The following HNF4G variants were observed in gnomAD, a reference collection of about 807,000 sequenced individuals.
HNF4G encodes the protein hepatocyte nuclear factor 4-gamma.
Under a neutral mutation model 50.9 loss-of-function variants are expected in HNF4G, and 21 were observed. The observed-to-expected ratio is 0.41, with a 90% CI of 0.29 to 0.59. The LOEUF is 0.59. Among genes scored for constraint, HNF4G ranks in the 20% least tolerant of loss-of-function variants. The pLI, the probability that HNF4G is intolerant of heterozygous loss-of-function variation, is 0.26. For synonymous variants in HNF4G, 198 were observed against 185.6 expected (o/e 1.07, Z -0.54); for missense variants, 527 against 559.4 (o/e 0.94, Z 0.58).
chr8:75,455,478 T>C (rs1811698886), intron 1 of HNF4G, among the ~76,000 whole-genome samples: 1 of 152,176 alleles, frequency 6.6e-6, no homozygotes, highest in Non-Finnish European at 1.5e-5. Context: ...TTAGGTACTG[T>C]GCTCCAGAGA....
chr8:75,460,773 A>C (rs373963289), intron 1 of HNF4G, among the ~76,000 whole-genome samples: 1 of 152,322 alleles, frequency 6.6e-6, no homozygotes, highest in Non-Finnish European at 1.5e-5. Flanking sequence ...ATGAGCTCAA[A>C]TCATGAAGTG....
intron 1 of HNF4G, among the ~76,000 whole-genome samples, chr8:75,449,509 CTTTTTTTTT>C (rs71271864): frequency 2.3e-5 from 3 of 129,330 alleles, no homozygotes; most frequent in Admixed American, 1.6e-4. Context: ...ATATTTTTTT[CTTTTTTTTT>C]TTTTTTGAGA....
chr8:75,501,517 A>C (rs1320227393), intron 2 of HNF4G, among the ~76,000 whole-genome samples: 3 of 152,182 alleles, frequency 2.0e-5, no homozygotes, highest in Admixed American at 6.5e-5. Flanking sequence ...AATGTACTCC[A>C]AAACACACAC....
intron 1 of HNF4G, among the ~76,000 whole-genome samples, chr8:75,464,730 A>T (rs1811928472): frequency 6.6e-6 from 1 of 152,200 alleles, no homozygotes; most frequent in Non-Finnish European, 1.5e-5. Flanking sequence ...TCTTATACCC[A>T]TGACTGCTTT....
intron 1 of HNF4G, among the ~76,000 whole-genome samples, chr8:75,427,391 A>G (rs1376799755): frequency 6.6e-6 from 1 of 152,172 alleles, no homozygotes; most frequent in African/African-American, 2.4e-5. Context: ...CAGCTTGGCC[A>G]ACATGGTGAA....
chr8:75,562,177 A>G (rs1004995708), intron 9 of HNF4G, among the ~76,000 whole-genome samples: 2 of 152,046 alleles, frequency 1.3e-5, no homozygotes, highest in African/African-American at 4.8e-5. Flanking sequence ...TGTAACAACA[A>G]TTTACCAGTA....
At chr8:75,512,914 G>T (rs761670072) in intron 2 of HNF4G, among the ~76,000 whole-genome samples, 7 of 152,060 alleles carry the variant, frequency 4.6e-5, no homozygotes, top group African/African-American at 1.7e-4. Context: ...TTTGGTTTAT[G>T]TTCTAAAAGA....
At chr8:75,417,804 T>C (rs940154483) in intron 1 of HNF4G, among the ~76,000 whole-genome samples, 9 of 152,174 alleles carry the variant, frequency 5.9e-5, no homozygotes, top group African/African-American at 2.2e-4. Flanking sequence ...ACCCTGAACA[T>C]GAAATTTTAA....
chr8:75,496,026 A>T (rs988977109), intron 2 of HNF4G, among the ~76,000 whole-genome samples: 5 of 152,146 alleles, frequency 3.3e-5, no homozygotes, highest in African/African-American at 7.2e-5. Flanking sequence ...AGCAGGTACT[A>T]CTAATATCTA....
intron 4 of HNF4G, among the ~76,000 whole-genome samples, chr8:75,551,858 A>T (rs868345286): frequency 2.0e-5 from 3 of 152,186 alleles, no homozygotes; most frequent in Non-Finnish European, 2.9e-5. Flanking sequence ...AGTTTGGTTG[A>T]TATTTGTTAT....
chr8:75,449,554 T>C (rs1302135899), intron 1 of HNF4G, among the ~76,000 whole-genome samples: 4 of 143,838 alleles, frequency 2.8e-5, no homozygotes, highest in Non-Finnish European at 6.0e-5. Flanking sequence ...TCGCCCAGGC[T>C]GTAGTGCAGT....
intron 1 of HNF4G, among the ~76,000 whole-genome samples, chr8:75,457,776 A>G (rs1229890800): frequency 6.6e-6 from 1 of 152,066 alleles, no homozygotes; most frequent in Non-Finnish European, 1.5e-5. Flanking sequence ...TATTTTTCTC[A>G]TAAGAGCATT....
At chr8:75,457,652 T>C (rs915322200) in intron 1 of HNF4G, among the ~76,000 whole-genome samples, 1 of 152,076 alleles carries the variant, frequency 6.6e-6, no homozygotes, top group African/African-American at 2.4e-5. Context: ...ATCTAATAGG[T>C]GGATCTTCTG....
upstream of HNF4G, among the ~76,000 whole-genome samples, chr8:75,537,876 T>A (rs140710148): frequency 2.5e-3 from 388 of 152,262 alleles, 2 homozygotes; most frequent in African/African-American, 8.4e-3. Context: ...AGTAAAGATA[T>A]ATCTTTTTAT....
intron 1 of HNF4G, among the ~76,000 whole-genome samples, chr8:75,426,862 C>A (rs975285339): frequency 3.9e-5 from 6 of 152,118 alleles, no homozygotes; most frequent in Admixed American, 3.9e-4. Context: ...GTATTACAGT[C>A]GCTTGTTAAA....
At chr8:75,522,192 A>G (rs966168960) in intron 2 of HNF4G, among the ~76,000 whole-genome samples, 10 of 152,190 alleles carry the variant, frequency 6.6e-5, no homozygotes, top group African/African-American at 2.4e-4. Flanking sequence ...TTATGCTAGT[A>G]TATTAGTTCC....
chr8:75,505,672 G>A (rs1380615098), intron 2 of HNF4G, among the ~76,000 whole-genome samples: 16 of 138,360 alleles, frequency 1.2e-4, no homozygotes, highest in East Asian at 2.0e-4. Context: ...TGTAAACTCC[G>A]TAATGCAAGA....
At chr8:75,506,283 TCA>T (rs1353898834) in intron 2 of HNF4G, among the ~76,000 whole-genome samples, 1 of 152,058 alleles carries the variant, frequency 6.6e-6, no homozygotes, top group East Asian at 1.9e-4. Context: ...AAAATAAAGT[TCA>T]GTTTATAAGA....
At chr8:75,438,879 T>C (rs1168913316) in intron 1 of HNF4G, among the ~76,000 whole-genome samples, 4 of 152,050 alleles carry the variant, frequency 2.6e-5, no homozygotes, top group Non-Finnish European at 4.4e-5. Context: ...ACGAGTAGGG[T>C]AAATATATAT....
Sources: allele counts gnomAD v4.1 joint callset (sites outside exome capture counted in the v4.1 genomes callset), GRCh38; gene constraint gnomAD v4.1.1; transcripts MANE v1.5; gene names NCBI Gene and HGNC (gene_info 2026-07-23, HGNC 2026-07-21).